CTNNA2: variants seen among roughly 807,000 people sequenced by gnomAD.
The protein encoded by CTNNA2 is catenin alpha 2.
In CTNNA2, 42 loss-of-function variants were observed where a neutral mutation model predicts 101.0. That is an observed-to-expected ratio of 0.42 (90% CI 0.32 to 0.54). CTNNA2 has a LOEUF of 0.54. Among genes scored for constraint, CTNNA2 ranks in the 20% least tolerant of loss-of-function variants. The probability of loss-of-function intolerance (pLI) is 0.14; values close to 1 mark genes in which losing one functional copy is unlikely to be tolerated. For synonymous variants in CTNNA2, 450 were observed against 456.4 expected (o/e 0.99, Z 0.18); for missense variants, 871 against 1,223.1 (o/e 0.71, Z 4.29).
intron 18 of CTNNA2, among the ~76,000 whole-genome samples, chr2:80,625,852 A>T (rs77402291): frequency 0.023 from 3,425 of 152,168 alleles, 87 homozygotes; most frequent in South Asian, 0.13. Context: ...TTGGGGCCAA[A>T]AATCAAGTAA....
At chr2:79,375,801 C>T (rs1254580109) in intron 4 of CTNNA2, among the ~76,000 whole-genome samples, 1 of 152,084 alleles carries the variant, frequency 6.6e-6, no homozygotes, top group East Asian at 1.9e-4. Context: ...GCAAAGCCTA[C>T]AATTTCTTTC....
intron 9 of CTNNA2, among the ~76,000 whole-genome samples, chr2:80,485,323 T>A (rs1357184182): frequency 6.6e-6 from 1 of 152,216 alleles, no homozygotes; most frequent in Non-Finnish European, 1.5e-5. Context: ...AAAATACCTT[T>A]ACTCTTACAT....
chr2:79,557,169 CAAT>C (rs1337380416), intron 1 of CTNNA2, among the ~76,000 whole-genome samples: 1 of 151,998 alleles, frequency 6.6e-6, no homozygotes, highest in Non-Finnish European at 1.5e-5. Context: ...ATTATTCTCT[CAAT>C]AGCCCTCAAT....
intron 11 of CTNNA2, among the ~76,000 whole-genome samples, chr2:80,547,689 G>C (rs1692195566): frequency 1.5e-5 from 1 of 67,072 alleles, no homozygotes; most frequent in Non-Finnish European, 2.7e-5. Context: ...TGTCACTTCT[G>C]CTTTTTTTTT....
chr2:80,483,234 CCCTT>C (rs1218872758), intron 9 of CTNNA2, among the ~76,000 whole-genome samples: 1 of 151,988 alleles, frequency 6.6e-6, no homozygotes, highest in Non-Finnish European at 1.5e-5. Context: ...GTTTCCCTCT[CCCTT>C]CTTTCTTTCA....
At chr2:79,520,263 GCTCT>G (rs1168370013) in intron 1 of CTNNA2, among the ~76,000 whole-genome samples, 1 of 152,168 alleles carries the variant, frequency 6.6e-6, no homozygotes, top group African/African-American at 2.4e-5. Context: ...CGACTGATCT[GCTCT>G]CTGTCACTAT....
chr2:79,771,174 G>A (rs140872153), intron 3 of CTNNA2, among the ~76,000 whole-genome samples: 13 of 152,302 alleles, frequency 8.5e-5, no homozygotes, highest in East Asian at 7.7e-4. Context: ...GATATTTTAT[G>A]TAAACTTAAT....
At chr2:80,427,480 A>G (rs1681094039) in intron 9 of CTNNA2, among the ~76,000 whole-genome samples, 1 of 152,180 alleles carries the variant, frequency 6.6e-6, no homozygotes, top group Admixed American at 6.5e-5. Flanking sequence ...TTGGGTTCTC[A>G]TCCTCAGCTA....
intron 1 of CTNNA2, among the ~76,000 whole-genome samples, chr2:79,537,247 T>C (rs886323955): frequency 2.0e-5 from 3 of 152,126 alleles, no homozygotes; most frequent in African/African-American, 7.2e-5. Context: ...TTCTAGAAAT[T>C]AACAAGCCCT....
rs143938215 is a variant in CTNNA2, at chr2:80,530,421, A to G, written c.1291-14561A>G. On this transcript the variant is annotated intron_variant, in intron 9 of 18. Coordinates refer to ENST00000402739, the MANE Select transcript of CTNNA2 (RefSeq NM_001282597.3). ...AGACTTGTGAGAGCACTGGTTATCA[A>G]TGAAAACCAGGAGGCCTTGTCAGAC... 2.7e-4 allele frequency among the ~76,000 whole-genome samples: 41 copies of G among 152,328 alleles called. No homozygotes were observed. In the East Asian group the frequency reaches 7.3e-3, roughly 27 times the overall value.
At chr2:79,613,884 G>C (rs1678453284) in intron 1 of CTNNA2, among the ~76,000 whole-genome samples, 1 of 152,116 alleles carries the variant, frequency 6.6e-6, no homozygotes, top group African/African-American at 2.4e-5. Flanking sequence ...CCAATCTCAT[G>C]GTGCCAATAC....
At chr2:79,949,033 T>C (rs1688701092) in intron 7 of CTNNA2, among the ~76,000 whole-genome samples, 1 of 152,172 alleles carries the variant, frequency 6.6e-6, no homozygotes, top group South Asian at 2.1e-4. Context: ...CCTGTCAGCC[T>C]GATAATCCCT....
intron 6 of CTNNA2, among the ~76,000 whole-genome samples, chr2:79,879,104 A>C (rs1244390030): frequency 6.6e-6 from 1 of 152,104 alleles, no homozygotes; most frequent in East Asian, 1.9e-4. Context: ...TGTTTTTGTC[A>C]GATTTGTCAA....
At chr2:79,820,578 T>A (rs1276984845) in intron 3 of CTNNA2, among the ~76,000 whole-genome samples, 1 of 152,218 alleles carries the variant, frequency 6.6e-6, no homozygotes, top group Non-Finnish European at 1.5e-5. Flanking sequence ...TACTTCTAAC[T>A]TAATGTGTAT....
At chr2:79,238,218 G>A (rs918904311) in intron 2 of CTNNA2, among the ~76,000 whole-genome samples, 2 of 152,158 alleles carry the variant, frequency 1.3e-5, no homozygotes, top group Non-Finnish European at 2.9e-5. Context: ...AGAATAGGGA[G>A]GCCAAAGGGG....
intron 3 of CTNNA2, among the ~76,000 whole-genome samples, chr2:79,320,265 T>A (rs1453643274): frequency 2.0e-5 from 3 of 149,624 alleles, no homozygotes; most frequent in Non-Finnish European, 4.4e-5. Context: ...TTTCAATTTT[T>A]TTTTTTTTTT....
intron 7 of CTNNA2, among the ~76,000 whole-genome samples, chr2:80,141,256 A>T (rs1702991575): frequency 6.6e-6 from 1 of 152,038 alleles, no homozygotes; most frequent in Non-Finnish European, 1.5e-5. Context: ...CCTCAAATAA[A>T]TATTAGTCTT....
chr2:80,222,473 T>A (rs1198324499), intron 7 of CTNNA2, among the ~76,000 whole-genome samples: 1 of 152,006 alleles, frequency 6.6e-6, no homozygotes, highest in Non-Finnish European at 1.5e-5. Flanking sequence ...ATCCTAAAGG[T>A]TAGGGTGAAG....
intron 2 of CTNNA2, among the ~76,000 whole-genome samples, chr2:79,199,287 G>C (rs113421630): frequency 6.6e-6 from 1 of 152,012 alleles, no homozygotes; most frequent in Non-Finnish European, 1.5e-5. Context: ...TAGAATCTTT[G>C]CTTGTTTAGG....
Sources: gnomAD v4.1 joint callset for allele counts (sites outside exome capture counted in the v4.1 genomes callset) on GRCh38, gnomAD v4.1.1 for gene constraint, MANE v1.5 for transcripts, NCBI Gene and HGNC (gene_info 2026-07-23, HGNC 2026-07-21) for gene names.